Variants in LHFPL2 observed in about 807,000 individuals in gnomAD.
LHFPL2 encodes the protein LHFPL tetraspan subfamily member 2 protein.
A neutral mutation model predicts 17.5 loss-of-function variants in LHFPL2; 7 were observed. The ratio of observed to expected loss-of-function variants is 0.40; its 90% CI spans 0.23 to 0.75. LHFPL2 has a LOEUF of 0.75. Ranked by LOEUF, LHFPL2 falls within the 30% of genes least tolerant of loss-of-function variation. The pLI, the probability that LHFPL2 is intolerant of heterozygous loss-of-function variation, is 0.37. For missense variants in LHFPL2, 241 were observed against 294.8 expected (o/e 0.82, Z 1.34); for synonymous variants, 134 against 116.2 (o/e 1.15, Z -0.99).
chr5:78,591,073 A>G lies in LHFPL2; in HGVS notation c.-244-26202T>C, dbSNP rs758671224. Among the ~76,000 whole-genome samples the G allele has an allele frequency of 6.8e-4, 103 of 152,250 alleles. 1 individual carries two copies. Among genetic ancestry groups the G allele is most frequent in the Non-Finnish European group, 1.3e-3 (88 of 68,044 alleles). Reference sequence around the variant, plus strand: ...AACCTAGTGACAAAATGAATGCACTAATTTGTGGTGGAAGAGGGAAATCTG... The same window carrying G: ...AACCTAGTGACAAAATGAATGCACTGATTTGTGGTGGAAGAGGGAAATCTG... On this transcript the variant is annotated intron_variant, in intron 2 of 4. Transcript: ENST00000380345.
chr5:78,500,085 C>T (rs897919504), intron 4 of LHFPL2, among the ~76,000 whole-genome samples: 2 of 151,878 alleles, frequency 1.3e-5, no homozygotes, highest in Admixed American at 6.6e-5. Context: ...ATCTTCTATG[C>T]TTGGGAACCA....
chr5:78,512,759 TTTC>T (rs1370980876), intron 3 of LHFPL2, among the ~76,000 whole-genome samples: 3 of 138,204 alleles, frequency 2.2e-5, no homozygotes, highest in African/African-American at 8.8e-5. Context: ...AAATGTAATT[TTTC>T]TTTTCTTTTT....
chr5:78,565,784 A>C (rs1030834183), intron 2 of LHFPL2, among the ~76,000 whole-genome samples: 2 of 152,218 alleles, frequency 1.3e-5, no homozygotes, highest in African/African-American at 4.8e-5. Flanking sequence ...TCCTCCTATC[A>C]GATAATCTTG....
intron 2 of LHFPL2, among the ~76,000 whole-genome samples, chr5:78,569,869 C>T (rs934891013): frequency 3.3e-5 from 5 of 152,204 alleles, no homozygotes; most frequent in African/African-American, 1.2e-4. Flanking sequence ...TTGATTCAAA[C>T]ATTATCCCAT....
At chr5:78,610,361 G>C (rs1744376300) in intron 2 of LHFPL2, among the ~76,000 whole-genome samples, 2 of 152,236 alleles carry the variant, frequency 1.3e-5, no homozygotes, top group Non-Finnish European at 2.9e-5. Flanking sequence ...TCTGGGAGAA[G>C]AGAAAAGATC....
At chr5:78,504,423 T>C (rs1366134665) in intron 4 of LHFPL2, among the ~76,000 whole-genome samples, 2 of 152,206 alleles carry the variant, frequency 1.3e-5, no homozygotes, top group Non-Finnish European at 2.9e-5. Flanking sequence ...TCTCAGTGGC[T>C]GACCTTGTCT....
At chr5:78,507,265 G>A (rs1326723499) in intron 4 of LHFPL2, among the ~76,000 whole-genome samples, 3 of 152,052 alleles carry the variant, frequency 2.0e-5, no homozygotes, top group African/African-American at 7.3e-5. Flanking sequence ...GGGAGGTGGA[G>A]GTTGCAGTGA....
chr5:78,580,456 T>C (rs1743080865), intron 2 of LHFPL2, among the ~76,000 whole-genome samples: 1 of 151,032 alleles, frequency 6.6e-6, no homozygotes, highest in South Asian at 2.1e-4. Flanking sequence ...CTAGGTTTTC[T>C]TCTAGGGTTT....
At chr5:78,554,860 T>C (rs1756531826) in intron 3 of LHFPL2, among the ~76,000 whole-genome samples, 1 of 152,196 alleles carries the variant, frequency 6.6e-6, no homozygotes, top group South Asian at 2.1e-4. Context: ...AAATTTCCTT[T>C]TATTCTTCCC....
At chr5:78,587,819 C>T (rs1290014085) in intron 2 of LHFPL2, among the ~76,000 whole-genome samples, 1 of 152,254 alleles carries the variant, frequency 6.6e-6, no homozygotes, top group Non-Finnish European at 1.5e-5. Flanking sequence ...TTTATCGTCC[C>T]TACCACACAG....
chr5:78,522,815 G>A (rs112895562), intron 3 of LHFPL2, among the ~76,000 whole-genome samples: 3,513 of 152,284 alleles, frequency 0.023, 135 homozygotes, highest in African/African-American at 0.078. Context: ...TCAGTGCCCT[G>A]ATGTGGGTAG....
chr5:78,637,407 C>A (rs890731898), intron 1 of LHFPL2, among the ~76,000 whole-genome samples: 3 of 152,086 alleles, frequency 2.0e-5, no homozygotes, highest in African/African-American at 7.2e-5. Context: ...GGGGGGAAGC[C>A]TTCCCCTATA....
intron 1 of LHFPL2, among the ~76,000 whole-genome samples, chr5:78,639,611 T>C (rs1480681890): frequency 6.7e-6 from 1 of 149,324 alleles, no homozygotes; most frequent in Non-Finnish European, 1.5e-5. Context: ...AATCATCTTC[T>C]AAGAACGGAC....
intron 2 of LHFPL2, among the ~76,000 whole-genome samples, chr5:78,583,068 C>G (rs569117897): frequency 8.5e-4 from 129 of 152,124 alleles, no homozygotes; most frequent in South Asian, 5.0e-3. Context: ...ATCTTTGTTG[C>G]TTTAAAGTCT....
chr5:78,547,917 G>C (rs532129229), intron 3 of LHFPL2, among the ~76,000 whole-genome samples: 1 of 152,342 alleles, frequency 6.6e-6, no homozygotes, highest in East Asian at 1.9e-4. Flanking sequence ...CCAACCCATC[G>C]TGAAGAAAAT....
intron 3 of LHFPL2, among the ~76,000 whole-genome samples, chr5:78,548,558 G>T (rs765380787): frequency 4.6e-5 from 7 of 152,220 alleles, no homozygotes; most frequent in Non-Finnish European, 8.8e-5. Flanking sequence ...CAGAAGGGCC[G>T]TATCTACAGC....
intron 2 of LHFPL2, among the ~76,000 whole-genome samples, chr5:78,595,712 C>T (rs546761357): frequency 2.0e-5 from 3 of 152,196 alleles, no homozygotes; most frequent in Non-Finnish European, 2.9e-5. Context: ...GGCAGGGTCT[C>T]ACTATGTTGA....
chr5:78,543,345 C>T (rs2112379505), intron 3 of LHFPL2, among the ~76,000 whole-genome samples: 1 of 152,280 alleles, frequency 6.6e-6, no homozygotes, highest in Admixed American at 6.5e-5. Context: ...CTTGTGTGTC[C>T]ACGTCCTTGA....
chr5:78,635,160 C>G (rs934132773), intron 1 of LHFPL2, among the ~76,000 whole-genome samples: 2 of 152,268 alleles, frequency 1.3e-5, no homozygotes, highest in Non-Finnish European at 2.9e-5. Flanking sequence ...TCAAAACATA[C>G]TCCACCACTT....
Sources: gnomAD v4.1 joint callset for allele counts (sites outside exome capture counted in the v4.1 genomes callset) on GRCh38, gnomAD v4.1.1 for gene constraint, MANE v1.5 for transcripts, NCBI Gene and HGNC (gene_info 2026-07-23, HGNC 2026-07-21) for gene names.